The following PTPRG variants were observed in gnomAD, a reference collection of about 807,000 sequenced individuals.
PTPRG encodes receptor-type tyrosine-protein phosphatase gamma.
Under a neutral mutation model 165.3 loss-of-function variants are expected in PTPRG, and 102 were observed. The ratio of observed to expected loss-of-function variants is 0.62; its 90% CI spans 0.53 to 0.73. PTPRG has a LOEUF of 0.73. PTPRG is among the 30% of genes least tolerant of loss of function. The pLI, the probability that PTPRG is intolerant of heterozygous loss-of-function variation, is 0.00. For synonymous variants in PTPRG, 675 were observed against 669.5 expected, an observed-to-expected ratio of 1.01 and a Z score of -0.13; for missense variants, 1,866 against 1,861.4, an observed-to-expected ratio of 1.00 and a Z score of -0.05.
intron 12 of PTPRG, among the ~76,000 whole-genome samples, chr3:62,215,763 AGAG>A (rs1700485158): frequency 6.6e-6 from 1 of 152,084 alleles, no homozygotes; most frequent in Non-Finnish European, 1.5e-5. Flanking sequence ...CTCACCCTGT[AGAG>A]GAGGAGAGGG....
chr3:61,744,826 C>T (rs1052698276), intron 1 of PTPRG, among the ~76,000 whole-genome samples: 2 of 95,458 alleles, frequency 2.1e-5, no homozygotes, highest in African/African-American at 6.4e-5. Flanking sequence ...TTATTGGTTA[C>T]TCAGGGCCAT....
intron 1 of PTPRG, among the ~76,000 whole-genome samples, chr3:61,588,967 A>G (rs575916548): frequency 6.6e-6 from 1 of 152,276 alleles, no homozygotes; most frequent in African/African-American, 2.4e-5. Flanking sequence ...ATCTCTCCAT[A>G]GCTTATAGGA....
intron 12 of PTPRG, among the ~76,000 whole-genome samples, chr3:62,208,401 C>T (rs141428834): frequency 1.5e-4 from 23 of 152,278 alleles, no homozygotes; most frequent in African/African-American, 5.3e-4. Context: ...TCATTTGGTG[C>T]TGGGATTTTC....
intron 3 of PTPRG, among the ~76,000 whole-genome samples, chr3:61,994,803 C>T (rs2040980995): frequency 6.6e-6 from 1 of 152,168 alleles, no homozygotes; most frequent in Non-Finnish European, 1.5e-5. Context: ...AGCTTGTGAC[C>T]CAAGCTAAGT....
intron 6 of PTPRG, among the ~76,000 whole-genome samples, chr3:62,137,116 A>G (rs1276648984): frequency 1.3e-5 from 2 of 152,214 alleles, no homozygotes; most frequent in Non-Finnish European, 1.5e-5. Context: ...AGATGGAAGC[A>G]CTAAAAGGTA....
At chr3:62,176,300 T>C (rs1204766104) in intron 8 of PTPRG, among the ~76,000 whole-genome samples, 5 of 152,154 alleles carry the variant, frequency 3.3e-5, no homozygotes, top group African/African-American at 1.2e-4. Context: ...AGTATTATTG[T>C]TTCTCTTTAA....
chr3:61,706,732 C>T (rs1311337645), intron 1 of PTPRG, among the ~76,000 whole-genome samples: 1 of 152,054 alleles, frequency 6.6e-6, no homozygotes, highest in Non-Finnish European at 1.5e-5. Flanking sequence ...TCAGGTGATC[C>T]ACCCGCCTCA....
At chr3:61,780,885 A>G (rs1283722901) in intron 2 of PTPRG, among the ~76,000 whole-genome samples, 1 of 152,234 alleles carries the variant, frequency 6.6e-6, no homozygotes, top group African/African-American at 2.4e-5. Context: ...AGGGCGATGT[A>G]CTTGATGGCG....
At chr3:61,587,213 A>G (rs1308897526) in intron 1 of PTPRG, among the ~76,000 whole-genome samples, 1 of 152,238 alleles carries the variant, frequency 6.6e-6, no homozygotes, top group Non-Finnish European at 1.5e-5. Context: ...TTAACAGGGA[A>G]CTTGTAGCTA....
intron 2 of PTPRG, among the ~76,000 whole-genome samples, chr3:61,762,308 G>A (rs144564883): frequency 6.6e-6 from 1 of 152,150 alleles, no homozygotes; most frequent in Admixed American, 6.5e-5. Flanking sequence ...CTGCATACCT[G>A]CTGTGCCAGA....
intron 5 of PTPRG, among the ~76,000 whole-genome samples, chr3:62,110,188 A>C (rs1055375227): frequency 1.9e-4 from 28 of 144,428 alleles, no homozygotes; most frequent in African/African-American, 6.4e-4. Flanking sequence ...CTTGTCAGCA[A>C]TTCTTTATAT....
chr3:61,790,252 T>C (rs2107123415), intron 2 of PTPRG, among the ~76,000 whole-genome samples: 1 of 152,352 alleles, frequency 6.6e-6, no homozygotes, highest in South Asian at 2.1e-4. Context: ...CTAATGTTGC[T>C]GGACTTGCTG....
chr3:62,234,534 A>C (rs1240161880), intron 14 of PTPRG, among the ~76,000 whole-genome samples: 2 of 152,110 alleles, frequency 1.3e-5, no homozygotes, highest in Non-Finnish European at 2.9e-5. Context: ...TAGGTGAAAA[A>C]GAAACGGTGT....
At chr3:62,147,668 C>A (rs1299498550) in intron 6 of PTPRG, among the ~76,000 whole-genome samples, 1 of 152,128 alleles carries the variant, frequency 6.6e-6, no homozygotes, top group Non-Finnish European at 1.5e-5. Flanking sequence ...TTAAAATATA[C>A]CAATAGCTAC....
intron 1 of PTPRG, among the ~76,000 whole-genome samples, chr3:61,677,671 C>T (rs1281010693): frequency 1.3e-5 from 2 of 152,070 alleles, no homozygotes; most frequent in Non-Finnish European, 2.9e-5. Context: ...CTAAATTTTG[C>T]CGATTTTCTA....
intron 6 of PTPRG, among the ~76,000 whole-genome samples, chr3:62,151,940 A>G (rs1473163386): frequency 1.3e-5 from 2 of 152,158 alleles, no homozygotes; most frequent in African/African-American, 4.8e-5. Context: ...ATCCCATTTT[A>G]CAGATGAGGA....
intron 5 of PTPRG, among the ~76,000 whole-genome samples, chr3:62,119,299 C>T (rs952581203): frequency 6.6e-6 from 1 of 152,204 alleles, no homozygotes; most frequent in Non-Finnish European, 1.5e-5. Context: ...CAGGAAGGAA[C>T]TAACAAGAGT....
At chr3:62,006,680 C>A (rs2041305016) in intron 4 of PTPRG, among the ~76,000 whole-genome samples, 1 of 152,110 alleles carries the variant, frequency 6.6e-6, no homozygotes, top group Admixed American at 6.5e-5. Flanking sequence ...GAGCTGGGGT[C>A]AGCATCTCCC....
intron 1 of PTPRG, among the ~76,000 whole-genome samples, chr3:61,590,394 C>T (rs113763650): frequency 6.6e-6 from 1 of 151,958 alleles, no homozygotes; most frequent in Non-Finnish European, 1.5e-5. Context: ...CGTAGTGGCA[C>T]GCACCTGTAA....
Sources: allele counts gnomAD v4.1 joint callset (sites outside exome capture counted in the v4.1 genomes callset), GRCh38; gene constraint gnomAD v4.1.1; transcripts MANE v1.5; gene names NCBI Gene and HGNC (gene_info 2026-07-23, HGNC 2026-07-21).